Variants in FAM53B observed in about 807,000 individuals in gnomAD.
The protein encoded by FAM53B is protein FAM53B.
Under a neutral mutation model 32.7 loss-of-function variants are expected in FAM53B, and 12 were observed. The observed-to-expected ratio is 0.37, with a 90% CI of 0.24 to 0.59. FAM53B has a LOEUF of 0.59. Among genes scored for constraint, FAM53B ranks in the 20% least tolerant of loss-of-function variants. FAM53B has a pLI of 0.72. For synonymous variants in FAM53B, 234 were observed against 228.7 expected, an observed-to-expected ratio of 1.02 and a Z score of -0.21; for missense variants, 477 against 577.7, an observed-to-expected ratio of 0.83 and a Z score of 1.79.
In FAM53B at chr10:124,619,886, G is replaced by C. The variant is rs1949295094; in HGVS notation, c.*3356C>G. On this transcript the variant is annotated 3_prime_UTR_variant, in exon 5 of 5. Transcript: ENST00000337318. ...CAGACGGCACGTCAGTGGAAACGGG[G>C]GTGCAGCAGGCATGACACCAAGGCA... 6.6e-6 allele frequency: 1 copy of C among 152,456 alleles called. No homozygotes were observed. Among genetic ancestry groups the C allele is most frequent in the African/African-American group, 2.4e-5 (1 of 41,434 alleles). 9.4% of individuals were successfully genotyped at this position (152,456 alleles called of 1,614,324 possible). A position where few individuals can be genotyped will look rare whatever the true frequency, so the allele number is the denominator to read the frequency against.
intron 4 of FAM53B, among the ~76,000 whole-genome samples, chr10:124,658,646 C>T (rs1176472833): frequency 6.6e-6 from 1 of 152,204 alleles, no homozygotes; most frequent in Non-Finnish European, 1.5e-5. Flanking sequence ...AAGGTGCACA[C>T]GGCATGTGGA....
intron 4 of FAM53B, among the ~76,000 whole-genome samples, chr10:124,657,808 C>T (rs572086296): frequency 5.3e-5 from 8 of 152,282 alleles, no homozygotes; most frequent in Admixed American, 2.6e-4. Flanking sequence ...GCCCATTTTA[C>T]GAATGAGGAA....
chr10:124,710,509 T>C (rs775979308), intron 1 of FAM53B, among the ~76,000 whole-genome samples: 4 of 152,194 alleles, frequency 2.6e-5, no homozygotes, highest in South Asian at 2.1e-4. Flanking sequence ...CACTGGGGAA[T>C]GCCAGGACCA....
rs538187360 is a variant in FAM53B, at chr10:124,669,492, C to A, written c.906+12115G>T. ...AGAAGTCAGGGCCACCGGGGATTCA[C>A]TGATCCATCAGGTGATGGGCCCGGA... On this transcript the variant is annotated intron_variant, in intron 4 of 4. Coordinates refer to ENST00000337318, the MANE Select transcript of FAM53B (RefSeq NM_014661.4). Among the ~76,000 whole-genome samples the A allele has an allele frequency of 7.5e-4, 114 of 152,360 alleles. 3 individuals carry two copies. In the South Asian group the frequency reaches 0.023, roughly 30 times the overall value.
At chr10:124,633,486 ACT>A in intron 4 of FAM53B, among the ~76,000 whole-genome samples, 1 of 152,300 alleles carries the variant, frequency 6.6e-6, no homozygotes, top group East Asian at 1.9e-4. Flanking sequence ...AGTCAGGAAA[ACT>A]CTGTAAAGAA....
At chr10:124,666,408 G>C (rs1949673099) in intron 4 of FAM53B, among the ~76,000 whole-genome samples, 1 of 152,236 alleles carries the variant, frequency 6.6e-6, no homozygotes, top group Non-Finnish European at 1.5e-5. Context: ...GTAGATGGGG[G>C]CTCACCCCGA....
intron 4 of FAM53B, among the ~76,000 whole-genome samples, chr10:124,642,857 G>A (rs1287447895): frequency 2.6e-5 from 4 of 152,334 alleles, no homozygotes; most frequent in East Asian, 3.9e-4. Flanking sequence ...CTGGCAGTCC[G>A]GCAAGACTGC....
chr10:124,721,178 G>C (rs1280049223), intron 1 of FAM53B, among the ~76,000 whole-genome samples: 1 of 152,204 alleles, frequency 6.6e-6, no homozygotes, highest in Non-Finnish European at 1.5e-5. Flanking sequence ...GTCCAGCCTG[G>C]GGGACAGAGT....
chr10:124,647,610 GA>G (rs1949526316), intron 4 of FAM53B, among the ~76,000 whole-genome samples: 1 of 152,226 alleles, frequency 6.6e-6, no homozygotes, highest in Admixed American at 6.5e-5. Flanking sequence ...GAGGCTCAGG[GA>G]GGCAGGTATG....
intron 4 of FAM53B, 158 bp from the exon 5 acceptor site, chr10:124,623,762 A>G (rs997237748): frequency 1.4e-6 from 1 of 714,938 alleles, no homozygotes; most frequent in Non-Finnish European, 2.2e-6. Context: ...TGAGCAACGT[A>G]CTCATGAAGA....
At chr10:124,627,821 A>G (rs1361232044) in intron 4 of FAM53B, among the ~76,000 whole-genome samples, 2 of 151,980 alleles carry the variant, frequency 1.3e-5, no homozygotes, top group Non-Finnish European at 2.9e-5. Context: ...CGGCCTCCCT[A>G]GGGCTTCCCA....
Position 124,721,807 on chromosome 10 carries a change from CAG to C in FAM53B, c.-174-14922_-174-14921del, listed in dbSNP as rs1222401659. Among the ~76,000 whole-genome samples, 7 of 152,216 alleles carry C rather than the reference CAG, an allele frequency of 4.6e-5. No individual in the cohort carries two copies. In the South Asian group the frequency reaches 8.3e-4, roughly 18 times the overall value. Reference sequence around the variant, plus strand: ...GTGAGTGCCAAATCAGCCTGCCCTGCAGACTGTCCTACTCATGAGCAAAATAG... The same window carrying C: ...GTGAGTGCCAAATCAGCCTGCCCTGCACTGTCCTACTCATGAGCAAAATAG... On this transcript the variant is annotated intron_variant, in intron 1 of 4. Coordinates refer to ENST00000337318, the MANE Select transcript of FAM53B (RefSeq NM_014661.4).
At chr10:124,699,398 G>A (rs796159372) in intron 2 of FAM53B, among the ~76,000 whole-genome samples, 59 of 152,370 alleles carry the variant, frequency 3.9e-4, no homozygotes, top group African/African-American at 1.4e-3. Context: ...AAACCTCAGT[G>A]GGGAAGGGCT....
chr10:124,660,092 C>T (rs1949619403), intron 4 of FAM53B, among the ~76,000 whole-genome samples: 1 of 152,238 alleles, frequency 6.6e-6, no homozygotes, highest in African/African-American at 2.4e-5. Flanking sequence ...CAGGCATGAG[C>T]CGCTGTGCCT....
rs544582248 is a variant in FAM53B at position 124,665,596 on chromosome 10, C to T, written c.906+16011G>A. On this transcript the variant is annotated intron_variant, in intron 4 of 4. Transcript: ENST00000337318. ...AGGTCCTGTGTCCATCATCTTATTT[C>T]GTCCTGGCAACTGCTATTATGGATC... is the stretch of plus-strand genomic sequence containing the variant. 2.1e-3 allele frequency among the ~76,000 whole-genome samples: 313 copies of T among 152,334 alleles called. 1 individual carries two copies. Among genetic ancestry groups the T allele is most frequent in the African/African-American group, 6.8e-3 (284 of 41,570 alleles).
Position 124,733,556 on chromosome 10 carries a change from GACTGTTTCA to G in FAM53B, c.-175+10448_-175+10456del, listed in dbSNP as rs1412890740. On this transcript the variant is annotated intron_variant, in intron 1 of 4. Transcript: ENST00000337318. This position sits in a 1 kb window ranked among gnomAD's most constrained non-coding sequence, Gnocchi z 4.3. ...AAAAAGGTAGTTTTACACTGAATCA[GACTGTTTCA>G]ACTCACACAACGCCAGAACTTTGAC... is the stretch of plus-strand genomic sequence containing the variant. Among the ~76,000 whole-genome samples, 1 of 152,196 alleles carries G rather than the reference GACTGTTTCA, an allele frequency of 6.6e-6. No homozygotes were observed. Among genetic ancestry groups the G allele is most frequent in the African/African-American group, 2.4e-5 (1 of 41,434 alleles).
At chr10:124,642,076 G>A (rs1264442426) in intron 4 of FAM53B, among the ~76,000 whole-genome samples, 1 of 152,242 alleles carries the variant, frequency 6.6e-6, no homozygotes. Flanking sequence ...CTGAGAACGT[G>A]AGTGTTCCTC....
chr10:124,661,817 A>C (rs751122566), intron 4 of FAM53B, among the ~76,000 whole-genome samples: 4 of 152,268 alleles, frequency 2.6e-5, no homozygotes, highest in Non-Finnish European at 5.9e-5. Flanking sequence ...AGCCTGCTTC[A>C]TCCACAACAG....
chr10:124,624,745 A>G (rs1049225740), intron 4 of FAM53B, among the ~76,000 whole-genome samples: 1 of 139,012 alleles, frequency 7.2e-6, no homozygotes, highest in African/African-American at 2.5e-5. Flanking sequence ...CACTGTGCAC[A>G]AGTGGGTGCA....
Sources: allele counts gnomAD v4.1 joint callset (sites outside exome capture counted in the v4.1 genomes callset), GRCh38; gene constraint gnomAD v4.1.1; non-coding constraint Gnocchi (gnomAD v3.1); transcripts MANE v1.5; gene names NCBI Gene and HGNC (gene_info 2026-07-23, HGNC 2026-07-21).